SPAG17: variants seen among roughly 807,000 people sequenced by gnomAD.
The protein encoded by SPAG17 is sperm associated antigen 17.
In SPAG17, 169 loss-of-function variants were observed where a neutral mutation model predicts 273.6. The ratio of observed to expected loss-of-function variants is 0.62; its 90% confidence interval spans 0.55 to 0.70. The LOEUF is 0.70. SPAG17 is among the 30% of genes least tolerant of loss of function. SPAG17 has a pLI of 0.00. For missense variants in SPAG17, 2,557 were observed against 2,627.8 expected (o/e 0.97, Z 0.59); for synonymous variants, 825 against 873.2 (o/e 0.94, Z 0.97).
Position 117,996,741 on chromosome 1 carries a change from G to A in SPAG17, c.4779C>T (p.Val1593=). Residue 1593 remains valine, a splice_region_variant and synonymous_variant, in exon 33 of 49, where the codon GTC becomes GTT. Transcript: ENST00000336338. ...TAGTTGATATGCTACCATCAGCCAT[G>A]ACCTAAGGGATAAAGTATGTAAGCA... The part of the protein sequence containing the change: ...VLDPEGNTFQ[V]MADGSISTIL... 1.2e-6 allele frequency: 2 copies of A among 1,601,458 alleles called. No homozygotes were observed. The highest frequency in any genetic ancestry group is 1.1e-5 in the South Asian group (1 of 87,940).
chr1:118,004,193 C>T (rs189960546), intron 32 of SPAG17, among the ~76,000 whole-genome samples: 5 of 152,182 alleles, frequency 3.3e-5, no homozygotes, highest in African/African-American at 1.2e-4. Flanking sequence ...AAGCTTCGTC[C>T]CAGAGGGGCA....
At chr1:117,979,428 C>T (rs138970989) in intron 43 of SPAG17, among the ~76,000 whole-genome samples, 89 of 152,218 alleles carry the variant, frequency 5.8e-4, no homozygotes, top group African/African-American at 2.0e-3. Context: ...GATATAGTTC[C>T]TATTAATTTC....
chr1:117,953,934 G>A lies in SPAG17; in HGVS notation c.*116C>T. ...ATTTCATTTGGCAAATTTCTGGTCA[G>A]TTCTTCCAGTTTCAGTGTCCTGGGA... On this transcript the variant is annotated 3_prime_UTR_variant, in exon 49 of 49. Transcript: ENST00000336338. 1 of 1,320,078 alleles carries A rather than the reference G, an allele frequency of 7.6e-7. No individual in the cohort carries two copies. Among genetic ancestry groups the A allele is most frequent in the Non-Finnish European group, 1.1e-6 (1 of 950,332 alleles). The allele number at this position is 1,320,078 out of a possible 1,614,324, so 81.8% of individuals were successfully genotyped here.
intron 17 of SPAG17, among the ~76,000 whole-genome samples, chr1:118,070,662 TA>T (rs1338183103): frequency 6.6e-6 from 1 of 152,216 alleles, no homozygotes; most frequent in Non-Finnish European, 1.5e-5. Flanking sequence ...AGCCACATTT[TA>T]AAAAGTAAAA....
intron 20 of SPAG17, among the ~76,000 whole-genome samples, chr1:118,045,791 G>A (rs1244028344): frequency 6.6e-6 from 1 of 152,104 alleles, no homozygotes; most frequent in Non-Finnish European, 1.5e-5. Flanking sequence ...GCTAACTCTG[G>A]GTAGTTAGTA....
chr1:118,093,562 T>C (rs1311565042), intron 7 of SPAG17, among the ~76,000 whole-genome samples: 1 of 152,202 alleles, frequency 6.6e-6, no homozygotes, highest in Non-Finnish European at 1.5e-5. Context: ...CCTAATGTTT[T>C]AAGAGCCTAA....
chr1:118,085,883 T>A (rs1654953867), intron 13 of SPAG17, 39 bp downstream of exon 13: 2 of 1,535,264 alleles, frequency 1.3e-6, no homozygotes, highest in Admixed American at 4.7e-5. Context: ...TGACCATTAA[T>A]TAAATTGAGT....
rs763454514 is a variant in SPAG17 at position 117,957,131 on chromosome 1, T to C, written c.*1-3082A>G. The C allele has an allele frequency of 8.1e-6, 13 of 1,612,708 alleles. No homozygotes were observed. The East Asian group carries it at 2.0e-4, about 25-fold the overall frequency. On this transcript the variant is annotated intron_variant, in intron 48 of 48. Coordinates refer to ENST00000336338, the MANE Select transcript of SPAG17 (RefSeq NM_206996.4). ...ATGTCCCAGACATTCTTAAACTCTT[T>C]AACGAATTCATTCAGCTGGGCTCTG...
intron 20 of SPAG17, among the ~76,000 whole-genome samples, chr1:118,044,714 G>C (rs1431224677): frequency 1.3e-5 from 2 of 152,124 alleles, no homozygotes; most frequent in Non-Finnish European, 2.9e-5. Context: ...TCCCCTTGCT[G>C]TTCTTATGAT....
chr1:118,130,906 T>G (rs956484815), intron 3 of SPAG17, among the ~76,000 whole-genome samples: 2 of 152,132 alleles, frequency 1.3e-5, no homozygotes, highest in Non-Finnish European at 2.9e-5. Flanking sequence ...ATAGTGGTGG[T>G]ACTAATCTTT....
Position 117,959,207 on chromosome 1 carries a change from G to T in SPAG17, c.*4592C>A, listed in dbSNP as rs984393663. The T allele has an allele frequency of 2.0e-6, 3 of 1,497,394 alleles. No individual in the cohort carries two copies. In the South Asian group the frequency reaches 4.0e-5, roughly 20 times the overall value. 92.8% of individuals were successfully genotyped at this position (1,497,394 alleles called of 1,614,324 possible). A position where few individuals can be genotyped will look rare whatever the true frequency, so the allele number is the denominator to read the frequency against. The stretch of plus-strand genomic sequence containing the variant: ...GGAAAGATAAGTAACAACACCTGAA[G>T]CTTTGGTTACCCTAACTCTCATACG... On this transcript the variant is annotated intron_variant, in intron 48 of 48. Transcript: ENST00000336338.
rs1443376991 is a variant in SPAG17 at position 118,171,239 on chromosome 1, TTA to T, written c.87+13830_87+13831del. Among the ~76,000 whole-genome samples, 3 of 152,154 alleles carry T rather than the reference TTA, an allele frequency of 2.0e-5. No homozygotes were observed. In the East Asian group the frequency reaches 5.8e-4, roughly 29 times the overall value. ...TGAATTGCAAGGTCCATGTAAAATGTTATGATTGTCACAACTTACTGTTAAGG... is the reference window on the plus strand; with the variant it reads ...TGAATTGCAAGGTCCATGTAAAATGTTGATTGTCACAACTTACTGTTAAGG... On this transcript the variant is annotated intron_variant, in intron 1 of 48. Coordinates refer to ENST00000336338, the MANE Select transcript of SPAG17 (RefSeq NM_206996.4).
At position 118,103,118 on chromosome 1, in the gene SPAG17, T is replaced by C. The variant is rs1656176274; in HGVS notation, c.448-1192A>G. Among the ~76,000 whole-genome samples, 4 of 152,186 alleles carry C rather than the reference T, an allele frequency of 2.6e-5. No homozygotes were observed. The South Asian group carries it at 8.3e-4, about 32-fold the overall frequency. ...GAAAAATCCAACTGGCTAGAGCATA[T>C]GTAAATGGTAAAATTAACTCCTTTG... On this transcript the variant is annotated intron_variant, in intron 4 of 48. Coordinates refer to ENST00000336338, the MANE Select transcript of SPAG17 (RefSeq NM_206996.4).
intron 28 of SPAG17, among the ~76,000 whole-genome samples, chr1:118,022,064 A>G (rs2101834015): frequency 6.6e-6 from 1 of 152,296 alleles, no homozygotes; most frequent in Non-Finnish European, 1.5e-5. Context: ...CCAGGTTTCT[A>G]GATTTAAATC....
chr1:118,036,206 AGAAAGAAG>A (rs763213019), intron 24 of SPAG17, among the ~76,000 whole-genome samples: 28 of 152,086 alleles, frequency 1.8e-4, no homozygotes, highest in Non-Finnish European at 2.9e-4. Context: ...AAAGAAAGAA[AGAAAGAAG>A]GAAAGAAGGA....
Position 118,129,189 on chromosome 1 carries a change from C to G in SPAG17, c.316-13748G>C, listed in dbSNP as rs766397653. 3.9e-5 allele frequency among the ~76,000 whole-genome samples: 6 copies of G among 152,214 alleles called. No individual in the cohort carries two copies. In the South Asian group the frequency reaches 6.2e-4, roughly 16 times the overall value. ...ACCTTGAAGCCTGCCTGGACTTCTA[C>G]GTCTGCATGCCAGTACATTTCCTAA... is the stretch of plus-strand genomic sequence containing the variant. On this transcript the variant is annotated intron_variant, in intron 3 of 48. Transcript: ENST00000336338.
At chr1:118,143,705 A>G (rs1318677619) in intron 3 of SPAG17, among the ~76,000 whole-genome samples, 1 of 152,136 alleles carries the variant, frequency 6.6e-6, no homozygotes, top group East Asian at 1.9e-4. Flanking sequence ...GAATGATACA[A>G]TCTTCTTGAT....
chr1:118,009,037 A>AG (rs1420024259), intron 30 of SPAG17, among the ~76,000 whole-genome samples: 2 of 152,120 alleles, frequency 1.3e-5, no homozygotes, highest in Non-Finnish European at 2.9e-5. Context: ...CCCTCTCTCT[A>AG]TAAGCAGAAA....
chr1:118,088,862 T>A (rs1655177352), intron 10 of SPAG17, among the ~76,000 whole-genome samples: 1 of 152,104 alleles, frequency 6.6e-6, no homozygotes, highest in African/African-American at 2.4e-5. Flanking sequence ...ACCCATTCAA[T>A]AATAATTAAG....
Sources: allele counts gnomAD v4.1 joint callset (sites outside exome capture counted in the v4.1 genomes callset), GRCh38; gene constraint gnomAD v4.1.1; transcripts MANE v1.5; gene names NCBI Gene and HGNC (gene_info 2026-07-23, HGNC 2026-07-21).